ALDH1A2: variants seen among roughly 807,000 people sequenced by gnomAD.
ALDH1A2 encodes the protein retinal dehydrogenase 2.
Under a neutral mutation model 60.3 loss-of-function variants are expected in ALDH1A2, and 27 were observed. The ratio of observed to expected loss-of-function variants is 0.45; its 90% CI spans 0.33 to 0.62. The LOEUF is 0.62. Ranked by LOEUF, ALDH1A2 falls within the 20% of genes least tolerant of loss-of-function variation. The probability of loss-of-function intolerance (pLI) is 0.02; values close to 1 mark genes in which losing one functional copy is unlikely to be tolerated. For synonymous variants in ALDH1A2, 289 were observed against 232.4 expected, an observed-to-expected ratio of 1.24 and a Z score of -2.21; for missense variants, 581 against 643.8, an observed-to-expected ratio of 0.90 and a Z score of 1.06.
chr15:58,043,593 T>C (rs914150171), intron 1 of ALDH1A2, among the ~76,000 whole-genome samples: 1 of 151,992 alleles, frequency 6.6e-6, no homozygotes, highest in African/African-American at 2.4e-5. Context: ...ATGTCTAATA[T>C]TTTAACACAC....
rs775138747 is a variant in ALDH1A2 at position 57,981,289 on chromosome 15, A to AACACACACACACACAC, written c.798+11400_798+11415dup. On this transcript the variant is annotated intron_variant, in intron 7 of 12. Transcript: ENST00000249750. ...TTCCAAGAAGTGAAATAGAAGAGCA[A>AACACACACACACACAC]ACACACACACACACACACACACACA... Among the ~76,000 whole-genome samples the AACACACACACACACAC allele has an allele frequency of 5.8e-4, 83 of 142,132 alleles. No homozygotes were observed. In the East Asian group the frequency reaches 0.014, roughly 24 times the overall value. 93.2% of individuals were successfully genotyped at this position (142,132 alleles called of 152,430 possible).
intron 1 of ALDH1A2, among the ~76,000 whole-genome samples, chr15:58,047,411 A>AC (rs1453276245): frequency 6.6e-6 from 1 of 151,974 alleles, no homozygotes; most frequent in Admixed American, 6.6e-5. Flanking sequence ...GTTTAGTTAA[A>AC]CAATATAAGG....
chr15:58,033,885 C>T (rs1433438650), intron 1 of ALDH1A2, among the ~76,000 whole-genome samples: 9 of 149,614 alleles, frequency 6.0e-5, no homozygotes, highest in African/African-American at 2.2e-4. Flanking sequence ...ATCTTAATTA[C>T]TGTAGCTTTA....
At chr15:57,976,517 T>C (rs1894264079) in intron 7 of ALDH1A2, among the ~76,000 whole-genome samples, 1 of 152,120 alleles carries the variant, frequency 6.6e-6, no homozygotes, top group African/African-American at 2.4e-5. Context: ...ACATATGGTG[T>C]TTGGTTTTCT....
chr15:57,980,875 G>T (rs892852526), intron 7 of ALDH1A2, among the ~76,000 whole-genome samples: 2 of 152,104 alleles, frequency 1.3e-5, no homozygotes, highest in Non-Finnish European at 2.9e-5. Context: ...CCTCTTCTTT[G>T]TACCTCTGAT....
intron 1 of ALDH1A2, among the ~76,000 whole-genome samples, chr15:58,061,338 A>G (rs899543221): frequency 1.3e-5 from 2 of 152,078 alleles, no homozygotes; most frequent in African/African-American, 4.8e-5. Flanking sequence ...TTATGACCAA[A>G]ACAGACAATC....
intron 1 of ALDH1A2, among the ~76,000 whole-genome samples, chr15:58,033,797 A>G (rs1255069295): frequency 6.7e-6 from 1 of 148,344 alleles, no homozygotes; most frequent in African/African-American, 2.5e-5. Context: ...AGTTGACTAC[A>G]TTTGTGTGAA....
intron 1 of ALDH1A2, among the ~76,000 whole-genome samples, chr15:58,030,533 T>C (rs1896207981): frequency 6.6e-6 from 1 of 152,186 alleles, no homozygotes; most frequent in South Asian, 2.1e-4. Context: ...TTGGAAGTTC[T>C]GGTCAGGGCA....
intron 1 of ALDH1A2, among the ~76,000 whole-genome samples, chr15:58,044,132 G>A (rs537918072): frequency 9.2e-5 from 14 of 152,078 alleles, no homozygotes; most frequent in Non-Finnish European, 2.1e-4. Flanking sequence ...GATCTTTGCT[G>A]CATCTCTATC....
rs893324567 is a variant in ALDH1A2, at chr15:58,045,217, C to T, written c.117+20317G>A. Among the ~76,000 whole-genome samples, 9 of 151,960 alleles carry T rather than the reference C, an allele frequency of 5.9e-5. No individual in the cohort carries two copies. The South Asian group carries it at 8.3e-4, about 14-fold the overall frequency. ...AGATACTATCTCACACCAGTTAGAA[C>T]GGCAATCATTAAAAAGTCAGGAAAC... On this transcript the variant is annotated intron_variant, in intron 1 of 12. Transcript: ENST00000249750.
intron 4 of ALDH1A2, among the ~76,000 whole-genome samples, chr15:58,006,250 G>C (rs969506766): frequency 6.6e-6 from 1 of 152,054 alleles, no homozygotes; most frequent in South Asian, 2.1e-4. Flanking sequence ...TTACTTAGAA[G>C]TGAGAATATA....
chr15:58,031,398 A>T (rs1206221964), intron 1 of ALDH1A2, among the ~76,000 whole-genome samples: 5 of 152,206 alleles, frequency 3.3e-5, no homozygotes, highest in Admixed American at 1.3e-4. Flanking sequence ...GTTAGACCTA[A>T]AACCGTCAAA....
intron 12 of ALDH1A2, among the ~76,000 whole-genome samples, chr15:57,955,492 G>A (rs1019164363): frequency 1.3e-5 from 2 of 152,302 alleles, no homozygotes; most frequent in African/African-American, 2.4e-5. Context: ...AAACTTTAAA[G>A]TTTTTTAAAG....
intron 12 of ALDH1A2, among the ~76,000 whole-genome samples, chr15:57,957,476 C>G (rs1219801958): frequency 1.3e-5 from 2 of 152,328 alleles, no homozygotes; most frequent in South Asian, 4.1e-4. Context: ...ATTTCACCAT[C>G]TTGTTCCAGG....
rs1418148076 is a variant in ALDH1A2 at position 57,990,485 on chromosome 15, T to C, written c.798+2220A>G. The C allele has an allele frequency of 2.0e-5, 3 of 152,342 alleles. No homozygotes were observed. The East Asian group carries it at 5.8e-4, about 29-fold the overall frequency. The allele number at this position is 152,342 out of a possible 1,614,324, so 9.4% of individuals were successfully genotyped here. Reference sequence around the variant, plus strand: ...GATATACTGATGCAAGAGTATTCTATGCAGCTGTTAAAAATAAATGCCGGA... The same window carrying C: ...GATATACTGATGCAAGAGTATTCTACGCAGCTGTTAAAAATAAATGCCGGA... On this transcript the variant is annotated intron_variant, in intron 7 of 12. Coordinates refer to ENST00000249750, the MANE Select transcript of ALDH1A2 (RefSeq NM_003888.4).
At chr15:58,029,368 C>T (rs1896168688) in intron 1 of ALDH1A2, among the ~76,000 whole-genome samples, 1 of 152,042 alleles carries the variant, frequency 6.6e-6, no homozygotes. Flanking sequence ...CACAACGTAC[C>T]AGAATCTCTG....
At chr15:58,020,595 C>T (rs1895898895) in intron 1 of ALDH1A2, among the ~76,000 whole-genome samples, 1 of 152,174 alleles carries the variant, frequency 6.6e-6, no homozygotes, top group African/African-American at 2.4e-5. Context: ...ATTAGTATTA[C>T]TGAAGCTACC....
intron 7 of ALDH1A2, among the ~76,000 whole-genome samples, chr15:57,987,311 A>T (rs921321927): frequency 6.6e-6 from 1 of 152,218 alleles, no homozygotes; most frequent in South Asian, 2.1e-4. Context: ...CTATAAACTC[A>T]CAGATATACA....
intron 4 of ALDH1A2, among the ~76,000 whole-genome samples, chr15:58,006,737 A>G (rs1213601457): frequency 7.4e-6 from 1 of 135,472 alleles, no homozygotes; most frequent in Non-Finnish European, 1.6e-5. Flanking sequence ...GAGGTGGTTC[A>G]GCTGTGGTTT....
Sources: gnomAD v4.1 joint callset for allele counts (sites outside exome capture counted in the v4.1 genomes callset) on GRCh38, gnomAD v4.1.1 for gene constraint, MANE v1.5 for transcripts, NCBI Gene and HGNC (gene_info 2026-07-23, HGNC 2026-07-21) for gene names.